Variants in NRK observed in about 807,000 individuals in gnomAD.
NRK encodes the protein Nik related kinase.
A neutral mutation model predicts 125.2 loss-of-function variants in NRK; 67 were observed. That is an observed-to-expected ratio of 0.54 (90% CI 0.44 to 0.66). NRK has a LOEUF of 0.66. NRK is among the 30% of genes least tolerant of loss of function. NRK has a pLI of 0.00. For missense variants in NRK, 1,224 were observed against 1,192.9 expected, an observed-to-expected ratio of 1.03 and a Z score of -0.38; for synonymous variants, 458 against 429.0, an observed-to-expected ratio of 1.07 and a Z score of -0.84.
chrX:105,822,187 G>C (rs1238792504), upstream of NRK, among the ~76,000 whole-genome samples: 1 of 112,118 alleles, frequency 8.9e-6, no homozygotes, highest in African/African-American at 3.2e-5. Flanking sequence ...AGGGCTGTGG[G>C]GCCCAGACTG....
chrX:105,856,175 G>A (rs2039530196), intron 2 of NRK, among the ~76,000 whole-genome samples: 1 of 111,780 alleles, frequency 8.9e-6, no homozygotes, highest in South Asian at 3.7e-4. Flanking sequence ...AGAAAGCTCT[G>A]TGAGGAAGTG....
intron 9 of NRK, among the ~76,000 whole-genome samples, chrX:105,903,583 G>T (rs1245490789): frequency 2.7e-5 from 3 of 111,792 alleles, no homozygotes; most frequent in African/African-American, 9.7e-5. Flanking sequence ...GAACATTTAG[G>T]TAGTGTTATG....
At chrX:105,864,121 GT>G (rs2039638780) in intron 2 of NRK, among the ~76,000 whole-genome samples, 6 of 112,293 alleles carry the variant, frequency 5.3e-5, no homozygotes, top group African/African-American at 1.9e-4. Flanking sequence ...GATATGCTGA[GT>G]TTAACTCATA....
At chrX:105,888,086 T>C (rs1421747991) in intron 4 of NRK, among the ~76,000 whole-genome samples, 1 of 112,258 alleles carries the variant, frequency 8.9e-6, no homozygotes, top group Non-Finnish European at 1.9e-5. Context: ...AACTAAACGA[T>C]CTTCAGTTTA....
intron 11 of NRK, chrX:105,907,931 T>C (rs2040240850): frequency 7.0e-6 from 1 of 143,691 alleles, no homozygotes; most frequent in African/African-American, 3.1e-5. Flanking sequence ...CTATTTAGAG[T>C]TTCTCTTGTC....
intron 4 of NRK, among the ~76,000 whole-genome samples, chrX:105,882,521 G>T (rs1447461622): frequency 9.0e-6 from 1 of 110,996 alleles, no homozygotes; most frequent in Non-Finnish European, 1.9e-5. Context: ...TTGAATTTTT[G>T]CTCTTATCAA....
chrX:105,900,191 C>CAT, intron 8 of NRK, among the ~76,000 whole-genome samples: 1 of 105,779 alleles, frequency 9.5e-6, no homozygotes, highest in Middle Eastern at 4.8e-3. Flanking sequence ...CACACACACA[C>CAT]ACATATCAGT....
chrX:105,948,417 C>A, intron 26 of NRK: 1 of 257,346 alleles, frequency 3.9e-6, no homozygotes. Context: ...AATAAAAATA[C>A]TATTTTTCCA....
intron 11 of NRK, 56 bp from the exon 12 acceptor site, chrX:105,908,184 A>G: frequency 1.5e-6 from 1 of 673,138 alleles, no homozygotes; most frequent in Non-Finnish European, 2.2e-6. Flanking sequence ...TTAAGTGGAT[A>G]ACATGCTTAT....
intron 1 of NRK, among the ~76,000 whole-genome samples, chrX:105,823,473 T>G (rs1323168654): frequency 1.8e-5 from 2 of 111,420 alleles, no homozygotes; most frequent in Non-Finnish European, 3.8e-5. Context: ...ATGTTCCTGA[T>G]TTAGTGTTGT....
chrX:105,847,937 A>G (rs1168220777), intron 2 of NRK, among the ~76,000 whole-genome samples: 1 of 112,238 alleles, frequency 8.9e-6, no homozygotes, highest in Non-Finnish European at 1.9e-5. Flanking sequence ...ACAATAAAAC[A>G]CATTATGCAA....
chrX:105,918,175 C>G (rs2040390761), intron 16 of NRK, among the ~76,000 whole-genome samples: 1 of 111,362 alleles, frequency 9.0e-6, no homozygotes, highest in Non-Finnish European at 1.9e-5. Context: ...ATTAATCTAT[C>G]AAATCATAGA....
chrX:105,912,708 C>G lies in NRK; in HGVS notation c.2302C>G (p.Gln768Glu), dbSNP rs199807026. The G allele has an allele frequency of 1.2e-3, 1,303 of 1,115,843 alleles. 1 individual carries two copies. Among genetic ancestry groups the G allele is most frequent in the Non-Finnish European group, 1.5e-3 (1,258 of 834,542 alleles). The allele number at this position is 1,115,843 out of a possible 1,213,427, so 92.0% of individuals were successfully genotyped here. The change falls in exon 14 of 29, where the codon CAG becomes GAG. Residue 768 changes from glutamine to glutamate, a missense_variant. Physicochemically the swap from Gln to Glu is conservative, Grantham distance 29. Coordinates refer to ENST00000243300, the MANE Select transcript of NRK (RefSeq NM_198465.4). ...EVFHSIQAEV[Q>E]IEPLKPYISN... ...ATTTCATTCGATTCAGGCTGAAGTC[C>G]AGATAGAGCCATTGAAGCCATACAT...
intron 1 of NRK, among the ~76,000 whole-genome samples, chrX:105,830,762 C>T (rs1234940601): frequency 9.7e-6 from 1 of 103,080 alleles, no homozygotes; most frequent in Non-Finnish European, 1.9e-5. Flanking sequence ...TGTTTTCACT[C>T]ATAGGTGGGA....
intron 17 of NRK, among the ~76,000 whole-genome samples, chrX:105,922,555 A>G (rs1003441053): frequency 4.5e-5 from 5 of 112,059 alleles, no homozygotes. Context: ...CTTTCAGATT[A>G]TTCTATTTCA....
In NRK at chrX:105,871,298, G is replaced by T. The variant is rs761959885; in HGVS notation, c.124-8901G>T. Among the ~76,000 whole-genome samples the T allele has an allele frequency of 3.6e-5, 4 of 110,906 alleles. No homozygotes were observed. In the East Asian group the frequency reaches 1.1e-3, roughly 32 times the overall value. Reference sequence around the variant, plus strand: ...TGGGTGGCATCACAGTGCAACCTAGGGTCAATGAAAATACCATTTACTTAT... The same window carrying T: ...TGGGTGGCATCACAGTGCAACCTAGTGTCAATGAAAATACCATTTACTTAT... On this transcript the variant is annotated intron_variant, in intron 2 of 28. Coordinates refer to ENST00000243300, the MANE Select transcript of NRK (RefSeq NM_198465.4).
intron 2 of NRK, among the ~76,000 whole-genome samples, chrX:105,840,880 G>A (rs2039324563): frequency 9.1e-6 from 1 of 109,590 alleles, no homozygotes; most frequent in South Asian, 3.8e-4. Flanking sequence ...TACATAGAGA[G>A]AGAGTTATAT....
At chrX:105,883,129 T>C (rs775160404) in intron 4 of NRK, among the ~76,000 whole-genome samples, 9 of 112,134 alleles carry the variant, frequency 8.0e-5, no homozygotes, top group Non-Finnish European at 1.3e-4. Context: ...AGTTTTAAAT[T>C]ACCCACTTGG....
At chrX:105,888,528 A>G in intron 5 of NRK, 109 bp downstream of exon 5, 1 of 639,954 alleles carries the variant, frequency 1.6e-6, no homozygotes, top group Non-Finnish European at 2.4e-6. Flanking sequence ...CTTAGCACAC[A>G]ACTGTTAAGG....
Sources: allele counts gnomAD v4.1 joint callset (sites outside exome capture counted in the v4.1 genomes callset), GRCh38; gene constraint gnomAD v4.1.1; transcripts MANE v1.5; gene names NCBI Gene and HGNC (gene_info 2026-07-23, HGNC 2026-07-21).